The following HMCN2 variants were observed in gnomAD, a reference collection of about 807,000 sequenced individuals.
HMCN2 encodes hemicentin-2.
HMCN2 carries 325 observed loss-of-function variants against 377.5 expected under a neutral mutation model. The observed-to-expected ratio is 0.86, with a 90% CI of 0.79 to 0.94. The LOEUF is 0.94. HMCN2 is among the 40% of genes least tolerant of loss of function. HMCN2 has a pLI of 0.00. For synonymous variants in HMCN2, 2,007 were observed against 2,046.8 expected, an observed-to-expected ratio of 0.98 and a Z score of 0.53; for missense variants, 4,543 against 4,725.3, an observed-to-expected ratio of 0.96 and a Z score of 1.13.
Position 130,396,206 on chromosome 9 carries a change from C to T in HMCN2, c.11091C>T (p.Asn3697=), listed in dbSNP as rs572759474. The part of the protein sequence containing the change: ...PTIRSGPPAV[N]VSVNQTALLP... ...TCCGGTCAGGACCACCTGCAGTGAA[C>T]GTCTCAGTGAACCAGACAGCCCTGC... is the stretch of plus-strand genomic sequence containing the variant. Residue 3697 remains asparagine, a synonymous_variant, in exon 73 of 98, where the codon AAC becomes AAT. Coordinates refer to ENST00000683500, the MANE Select transcript of HMCN2 (RefSeq NM_001291815.2). 1.6e-5 allele frequency: 21 copies of T among 1,284,878 alleles called. No homozygotes were observed. The highest frequency in any genetic ancestry group is 5.6e-5 in the East Asian group (1 of 17,798). The allele number at this position is 1,284,878 out of a possible 1,614,324, so 79.6% of individuals were successfully genotyped here.
rs1840342394 is a variant in HMCN2 at position 130,360,771 on chromosome 9, TCCATCCATCCATCCATCCCAC to T, written c.5950+179_5950+199del. Among the ~76,000 whole-genome samples, 2 of 150,198 alleles carry T rather than the reference TCCATCCATCCATCCATCCCAC, an allele frequency of 1.3e-5. No individual in the cohort carries two copies. Among genetic ancestry groups the T allele is most frequent in the Non-Finnish European group, 3.0e-5 (2 of 67,558 alleles). On this transcript the variant is annotated intron_variant, in intron 38 of 97. Coordinates refer to ENST00000683500, the MANE Select transcript of HMCN2 (RefSeq NM_001291815.2). This position sits in a 1 kb window ranked among gnomAD's most constrained non-coding sequence, Gnocchi z 4.7. ...ATCCAACCATCCATCCATCCATCCA[TCCATCCATCCATCCATCCCAC>T]CCATCCATCCACCCATCCACCCCTC...
intron 86 of HMCN2, among the ~76,000 whole-genome samples, chr9:130,419,768 ACCACAT>A (rs563854696): frequency 1.4e-3 from 207 of 151,854 alleles, no homozygotes; most frequent in African/African-American, 4.6e-3. Context: ...CTAATCTATC[ACCACAT>A]GCGTTGGCAG....
chr9:130,425,140 C>A lies in HMCN2; in HGVS notation c.13641+10C>A. 1 of 1,543,954 alleles carries A rather than the reference C, an allele frequency of 6.5e-7. No homozygotes were observed. Among genetic ancestry groups the A allele is most frequent in the South Asian group, 1.2e-5 (1 of 82,820 alleles). ...AGATCTTCAAGTGCAGGTCGGGGGT[C>A]AAGCCCTGGGGTGTGCAGACAGGGT... On this transcript the variant is annotated intron_variant, in intron 89 of 97. Transcript: ENST00000683500.
chr9:130,367,092 C>T (rs998088923), intron 43 of HMCN2, among the ~76,000 whole-genome samples: 2 of 151,820 alleles, frequency 1.3e-5, no homozygotes, highest in African/African-American at 2.4e-5. Flanking sequence ...GGTCCTGGGG[C>T]AGGAATGCTG....
Position 130,337,941 on chromosome 9 carries a change from T to G in HMCN2, c.3407T>G (p.Val1136Gly), listed in dbSNP as rs1443099934. The change falls in exon 23 of 98, where the codon GTG becomes GGG. Residue 1136 changes from valine (V) to glycine (G), a missense_variant. Coordinates refer to ENST00000683500, the MANE Select transcript of HMCN2 (RefSeq NM_001291815.2). Reference protein sequence around the residue: ...SGSLRLAQVQVGDSGHYECTA... With the variant: ...SGSLRLAQVQGGDSGHYECTA... Reference sequence around the variant, plus strand: ...TCCCTGCGTCTGGCCCAGGTGCAGGTGGGTGACAGCGGCCACTACGAGTGC... The same window carrying G: ...TCCCTGCGTCTGGCCCAGGTGCAGGGGGGTGACAGCGGCCACTACGAGTGC... The G allele has an allele frequency of 2.0e-5, 3 of 152,518 alleles. No homozygotes were observed. The highest frequency in any genetic ancestry group is 4.4e-5 in the Non-Finnish European group (3 of 68,404). The allele number at this position is 152,518 out of a possible 1,614,324, so 9.4% of individuals were successfully genotyped here. A position where few individuals can be genotyped will look rare whatever the true frequency, so the allele number is the denominator to read the frequency against.
chr9:130,408,860 A>G lies in HMCN2; in HGVS notation c.12806A>G (p.Asp4269Gly), dbSNP rs2131743063. The change falls in exon 84 of 98, where the codon GAT becomes GGT. Residue 4269 changes from aspartate (D) to glycine (G), a missense_variant. Asp to Gly is a moderately conservative substitution (Grantham distance 94, BLOSUM62 -1). This residue lies in a region of HMCN2 where 1,155 missense variants were observed against 1,157.7 expected (regional missense o/e 1.00). Coordinates refer to ENST00000683500, the MANE Select transcript of HMCN2 (RefSeq NM_001291815.2). ...GTGCCGGACATCCACTGGATCAAAG[A>G]TGGCCTTCCACTGCGGGGCAGCCAC... Reference protein sequence around the residue: ...DPVPDIHWIKDGLPLRGSHLR... With the variant: ...DPVPDIHWIKGGLPLRGSHLR... 1.6e-6 allele frequency: 2 copies of G among 1,289,788 alleles called. No individual in the cohort carries two copies. The highest frequency in any genetic ancestry group is 3.0e-5 in the African/African-American group (2 of 65,986). 79.9% of individuals were successfully genotyped at this position (1,289,788 alleles called of 1,614,324 possible). A position where few individuals can be genotyped will look rare whatever the true frequency, so the allele number is the denominator to read the frequency against.
At chr9:130,278,376 G>A (rs1344805862) in intron 1 of HMCN2, among the ~76,000 whole-genome samples, 4 of 151,792 alleles carry the variant, frequency 2.6e-5, no homozygotes, top group East Asian at 1.9e-4. Flanking sequence ...CGCCCGTCTC[G>A]GCCTCCCAAA....
chr9:130,399,917 C>T (rs1433764778), intron 76 of HMCN2, among the ~76,000 whole-genome samples: 1 of 152,218 alleles, frequency 6.6e-6, no homozygotes, highest in African/African-American at 2.4e-5. Flanking sequence ...TCCCTCCCTC[C>T]ACAGCTGCCC....
Position 130,388,411 on chromosome 9 carries a change from C to T in HMCN2, c.9394C>T (p.Pro3132Ser). ...VRTFTLTVQV[P>S]PTFENPKTET... ...ACAGTCTGGCTTTCTTCCTGCAGTG[C>T]CCCCAACATTTGAGAACCCCAAGAC... Residue 3132 changes from proline (P) to serine (S), a missense_variant and splice_region_variant, in exon 62 of 98, where the codon CCC becomes TCC. Physicochemically the swap from Pro to Ser is moderately conservative, Grantham distance 74. Around this residue, in one of 5 missense-constraint regions of HMCN2, gnomAD observed 736 missense variants for 773.2 expected, o/e 0.95. Transcript: ENST00000683500. 1.0e-6 allele frequency: 1 copy of T among 987,964 alleles called. No homozygotes were observed. The allele number at this position is 987,964 out of a possible 1,614,324, so 61.2% of individuals were successfully genotyped here. A position where few individuals can be genotyped will look rare whatever the true frequency, so the allele number is the denominator to read the frequency against.
Position 130,375,643 on chromosome 9 carries a change from A to T in HMCN2, c.7711A>T (p.Ile2571Phe). The T allele has an allele frequency of 3.0e-6, 3 of 985,816 alleles. No individual in the cohort carries two copies. The highest frequency in any genetic ancestry group is 3.6e-6 in the Non-Finnish European group (3 of 829,964). The allele number at this position is 985,816 out of a possible 1,614,324, so 61.1% of individuals were successfully genotyped here. ...GACTGTCAACAACCCCATCTCTCTG[A>T]TCTGCGAGGCCCTGGCCTTCCCTTC... ...TVTVNNPISL[I>F]CEALAFPSPN... The change falls in exon 50 of 98, where the codon ATC (isoleucine) becomes TTC (phenylalanine). Residue 2571 changes from isoleucine to phenylalanine, a missense_variant. Transcript: ENST00000683500.
intron 16 of HMCN2, 135 bp downstream of exon 16, chr9:130,319,830 A>T (rs915109745): frequency 6.6e-6 from 1 of 152,058 alleles, no homozygotes; most frequent in Admixed American, 6.6e-5. Flanking sequence ...ATACGCGGTC[A>T]CACTTTGGCT....
chr9:130,298,799 G>T (rs1023908929), intron 7 of HMCN2, among the ~76,000 whole-genome samples: 35 of 152,250 alleles, frequency 2.3e-4, no homozygotes, highest in Non-Finnish European at 3.5e-4. Context: ...GGGAAGCCGT[G>T]GTTGGACGAC....
intron 84 of HMCN2, among the ~76,000 whole-genome samples, chr9:130,409,707 A>G (rs1188196882): frequency 1.3e-5 from 2 of 152,142 alleles, no homozygotes; most frequent in Admixed American, 6.5e-5. Flanking sequence ...CTCCCATTTT[A>G]CAGAAGGGGT....
intron 1 of HMCN2, among the ~76,000 whole-genome samples, chr9:130,273,601 G>T (rs1426915118): frequency 6.6e-6 from 1 of 151,924 alleles, no homozygotes; most frequent in South Asian, 2.1e-4. Context: ...AGGCTCAAGC[G>T]ATTCTCTCAC....
intron 4 of HMCN2, among the ~76,000 whole-genome samples, chr9:130,288,626 C>T (rs1835554164): frequency 6.6e-6 from 1 of 152,244 alleles, no homozygotes; most frequent in Non-Finnish European, 1.5e-5. Flanking sequence ...CTTCAGAGTG[C>T]ATCCAGTGCA....
In HMCN2 at chr9:130,393,022, G is replaced by T. The variant is rs1842417314; in HGVS notation, c.10137-190G>T. Among the ~76,000 whole-genome samples the T allele has an allele frequency of 6.6e-6, 1 of 151,604 alleles. No individual in the cohort carries two copies. The stretch of plus-strand genomic sequence containing the variant: ...CCATCTCAAAAAAAAAAAAGAAAAA[G>T]AGAGAGTTTAAGCAAAGGCTGGGCT... On this transcript the variant is annotated intron_variant, in intron 66 of 97. Coordinates refer to ENST00000683500, the MANE Select transcript of HMCN2 (RefSeq NM_001291815.2). This position sits in a 1 kb window ranked among gnomAD's most constrained non-coding sequence, Gnocchi z 5.2.
chr9:130,425,088 C>T lies in HMCN2; in HGVS notation c.13599C>T (p.Gly4533=), dbSNP rs866190789. Residue 4533 remains glycine (G), a synonymous_variant, in exon 89 of 98, where the codon GGC becomes GGT. Coordinates refer to ENST00000683500, the MANE Select transcript of HMCN2 (RefSeq NM_001291815.2). ...GLLLLDVVVN[G]VVPESLADAD... is the part of the protein sequence containing the mutation. The stretch of plus-strand genomic sequence containing the variant: ...TGCTCCTCGACGTGGTGGTCAATGG[C>T]GTTGTCCCCGAGAGCCTGGCTGACG... 3 of 1,549,962 alleles carry T rather than the reference C, an allele frequency of 1.9e-6. No individual in the cohort carries two copies. Among genetic ancestry groups the T allele is most frequent in the East Asian group, 2.4e-5 (1 of 40,914 alleles).
Position 130,429,650 on chromosome 9 carries a change from G to A in HMCN2, c.14291G>A (p.Gly4764Asp), listed in dbSNP as rs763325812. Residue 4764 changes from glycine to aspartate, a missense_variant, in exon 94 of 98, where the codon GGT becomes GAT. By Grantham distance (94) the Gly-to-Asp change is moderately conservative. Coordinates refer to ENST00000683500, the MANE Select transcript of HMCN2 (RefSeq NM_001291815.2). ...PGGHRCSCPRGYRMQGPSLPC... is the reference protein window; with the variant it reads ...PGGHRCSCPRDYRMQGPSLPC... The stretch of plus-strand genomic sequence containing the variant: ...GGTCACCGCTGCAGCTGCCCCAGGG[G>A]TTACCGGATGCAGGGCCCCAGCCTG... 9.7e-6 allele frequency: 15 copies of A among 1,545,846 alleles called. No homozygotes were observed. In the African/African-American group the frequency reaches 1.5e-4, roughly 16 times the overall value.
rs1554936986 is a variant in HMCN2, at chr9:130,306,845, CA to C, written c.1994del (p.Gln665ArgfsTer3). ...GGACGCACAGGGAACCCTGATTATT[CA>C]GGGGGTAGCCCCAGAGGATGCTGGG... Reference protein sequence around the residue: ...HVDAQGTLIIQGVAPEDAGNY... With the variant: ...HVDAQGTLIIXGVAPEDAGNY... On this transcript the variant is annotated frameshift_variant, in exon 13 of 98. Coordinates refer to ENST00000683500, the MANE Select transcript of HMCN2 (RefSeq NM_001291815.2). LOFTEE classifies it high-confidence loss of function. 1 of 470,872 alleles carries C rather than the reference CA, an allele frequency of 2.1e-6. No individual in the cohort carries two copies. Among genetic ancestry groups the C allele is most frequent in the Admixed American group, 2.3e-5 (1 of 42,566 alleles). The allele number at this position is 470,872 out of a possible 1,614,324, so 29.2% of individuals were successfully genotyped here.
Sources: gnomAD v4.1 joint callset for allele counts (sites outside exome capture counted in the v4.1 genomes callset) on GRCh38, gnomAD v4.1.1 for gene constraint, gnomAD v4.1.1 regional missense constraint, Gnocchi (gnomAD v3.1) non-coding constraint, MANE v1.5 for transcripts, NCBI Gene and HGNC (gene_info 2026-07-23, HGNC 2026-07-21) for gene names.